The following NKAIN3 variants were observed in gnomAD, a reference collection of about 807,000 sequenced individuals.
The protein encoded by NKAIN3 is sodium/potassium transporting ATPase interacting 3.
A neutral mutation model predicts 30.2 loss-of-function variants in NKAIN3; 25 were observed. The observed-to-expected ratio is 0.83, with a 90% CI of 0.60 to 1.16. The LOEUF is 1.16. Among genes scored for constraint, NKAIN3 ranks in the 50% most tolerant of loss-of-function variants. The probability of loss-of-function intolerance (pLI) is 0.00; values close to 1 mark genes in which losing one functional copy is unlikely to be tolerated. For synonymous variants in NKAIN3, 91 were observed against 89.6 expected (o/e 1.02, Z -0.09); for missense variants, 225 against 254.1 (o/e 0.89, Z 0.78).
At chr8:62,909,197 G>T (rs1821865044) in intron 4 of NKAIN3, among the ~76,000 whole-genome samples, 1 of 152,092 alleles carries the variant, frequency 6.6e-6, no homozygotes, top group African/African-American at 2.4e-5. Context: ...AAGGCCTGCA[G>T]GTCAAAACAA....
At chr8:62,891,691 A>G (rs998415656) in intron 4 of NKAIN3, among the ~76,000 whole-genome samples, 7 of 152,154 alleles carry the variant, frequency 4.6e-5, no homozygotes, top group Non-Finnish European at 8.8e-5. Context: ...AATTCCTTCC[A>G]TATTTACCAA....
chr8:62,919,395 C>T (rs1159767524), intron 5 of NKAIN3, among the ~76,000 whole-genome samples: 5 of 151,524 alleles, frequency 3.3e-5, no homozygotes, highest in African/African-American at 9.7e-5. Context: ...CAGGCACCCG[C>T]CACCATGTCC....
At chr8:62,680,849 C>G (rs981428870) in intron 3 of NKAIN3, among the ~76,000 whole-genome samples, 2 of 152,026 alleles carry the variant, frequency 1.3e-5, no homozygotes, top group African/African-American at 2.4e-5. Context: ...TTAATTGTAA[C>G]CAATTTTGCT....
chr8:62,605,753 T>C (rs963235187), intron 3 of NKAIN3, among the ~76,000 whole-genome samples: 3 of 152,120 alleles, frequency 2.0e-5, no homozygotes, highest in African/African-American at 7.2e-5. Context: ...CATGTGCAAA[T>C]ACTATATTAT....
At chr8:62,389,888 C>T (rs1473374045) in intron 1 of NKAIN3, among the ~76,000 whole-genome samples, 1 of 152,046 alleles carries the variant, frequency 6.6e-6, no homozygotes, top group Non-Finnish European at 1.5e-5. Context: ...GTTCTTTGCT[C>T]TTTGTTTGTG....
chr8:62,837,446 G>A (rs1819400670), intron 4 of NKAIN3, among the ~76,000 whole-genome samples: 1 of 152,132 alleles, frequency 6.6e-6, no homozygotes, highest in African/African-American at 2.4e-5. Context: ...GAAAATTCCA[G>A]TAAGGTTTTA....
chr8:62,981,725 T>A lies in NKAIN3; in HGVS notation c.*16318T>A, dbSNP rs1191729265. 6.7e-6 allele frequency: 1 copy of A among 148,614 alleles called. No homozygotes were observed. The highest frequency in any genetic ancestry group is 2.5e-5 in the African/African-American group (1 of 40,162). 9.2% of individuals were successfully genotyped at this position (148,614 alleles called of 1,614,324 possible). ...AGAACTCTGCTGTGTGGCAACCTTA[T>A]GTATCCACAACAGAACTAAGGACCG... On this transcript the variant is annotated 3_prime_UTR_variant, in exon 7 of 7. Coordinates refer to ENST00000623646, the MANE Select transcript of NKAIN3 (RefSeq NM_001304533.3).
intron 4 of NKAIN3, among the ~76,000 whole-genome samples, chr8:62,792,947 C>T (rs1817749176): frequency 6.6e-6 from 1 of 152,086 alleles, no homozygotes; most frequent in Non-Finnish European, 1.5e-5. Context: ...GGGCTTCCTA[C>T]TCTGTGCATG....
rs10957258 is a variant in NKAIN3 at position 62,970,022 on chromosome 8, G to A, written c.*4615G>A. Among the ~76,000 whole-genome samples the A allele has an allele frequency of 0.12, 17,756 of 151,930 alleles. 1,201 individuals carry two copies. Among genetic ancestry groups the A allele is most frequent in the East Asian group, 0.22 (1,130 of 5,156 alleles). On this transcript the variant is annotated 3_prime_UTR_variant, in exon 7 of 7. Coordinates refer to ENST00000623646, the MANE Select transcript of NKAIN3 (RefSeq NM_001304533.3). ...CCAGCTTGGGCAAAATAGTGAGACC[G>A]TATCTCTACAAAAACAAACAAATAA...
At chr8:62,825,649 CA>C (rs1303016046) in intron 4 of NKAIN3, among the ~76,000 whole-genome samples, 1 of 152,198 alleles carries the variant, frequency 6.6e-6, no homozygotes, top group African/African-American at 2.4e-5. Flanking sequence ...GAGGTATTTT[CA>C]AATATTCCTG....
At chr8:62,990,247 A>G (rs775343785) in intron 5 of NKAIN3, 60 of 1,534,058 alleles carry the variant, frequency 3.9e-5, no homozygotes, top group Non-Finnish European at 5.3e-6. Context: ...TTAGTAAGAT[A>G]TTATCACCAA....
chr8:62,774,165 G>T (rs1468720133), intron 4 of NKAIN3, among the ~76,000 whole-genome samples: 1 of 152,010 alleles, frequency 6.6e-6, no homozygotes, highest in East Asian at 1.9e-4. Context: ...TTATTTGTAG[G>T]TATTGTAAAT....
At chr8:62,379,290 T>A (rs1270971780) in intron 1 of NKAIN3, among the ~76,000 whole-genome samples, 1 of 152,228 alleles carries the variant, frequency 6.6e-6, no homozygotes, top group African/African-American at 2.4e-5. Flanking sequence ...CAGAAGGGAC[T>A]TGCCTTGTCT....
chr8:62,491,465 GTGAA>G (rs1333921106), intron 1 of NKAIN3, among the ~76,000 whole-genome samples: 2 of 152,128 alleles, frequency 1.3e-5, no homozygotes, highest in South Asian at 4.1e-4. Flanking sequence ...GCCCCCACAT[GTGAA>G]TGGTCTTTTG....
chr8:62,416,853 G>T (rs1804460406), intron 1 of NKAIN3, among the ~76,000 whole-genome samples: 1 of 152,032 alleles, frequency 6.6e-6, no homozygotes, highest in South Asian at 2.1e-4. Flanking sequence ...AATTAGCTGA[G>T]CATGGTGGCG....
intron 3 of NKAIN3, among the ~76,000 whole-genome samples, chr8:62,594,381 C>G (rs1339253013): frequency 6.6e-6 from 1 of 152,064 alleles, no homozygotes; most frequent in Non-Finnish European, 1.5e-5. Flanking sequence ...CCAAGAGGGA[C>G]TCCACACGGT....
At position 62,968,606 on chromosome 8, in the gene NKAIN3, GAT is replaced by G. The variant is rs1823763915; in HGVS notation, c.*3201_*3202del. On this transcript the variant is annotated 3_prime_UTR_variant, in exon 7 of 7. Transcript: ENST00000623646. ...CAGAAGTGGCCCTGGCAAAACTGAA[GAT>G]AGGACATCCACTGCTCTTTAGCTTC... Among the ~76,000 whole-genome samples the G allele has an allele frequency of 6.6e-6, 1 of 152,226 alleles. No homozygotes were observed. Among genetic ancestry groups the G allele is most frequent in the Non-Finnish European group, 1.5e-5 (1 of 68,044 alleles).
chr8:62,796,383 C>CAAA (rs71255362), intron 4 of NKAIN3, among the ~76,000 whole-genome samples: 1,043 of 53,738 alleles, frequency 0.019, 235 homozygotes, highest in African/African-American at 0.082. Flanking sequence ...GACTCTGTCT[C>CAAA]AAAAAAAAAA....
rs79968000 is a variant in NKAIN3 at position 62,359,515 on chromosome 8, C to T, written c.54+110388C>T. Among the ~76,000 whole-genome samples the T allele has an allele frequency of 5.3e-5, 8 of 152,286 alleles. No individual in the cohort carries two copies. In the East Asian group the frequency reaches 1.6e-3, roughly 30 times the overall value. On this transcript the variant is annotated intron_variant, in intron 1 of 6. Transcript: ENST00000623646. The stretch of plus-strand genomic sequence containing the variant: ...CAGAGCAGAGAGACTTCCTCAGGAT[C>T]GCTGCCTCGCTTTGGTCCAAGGGAA...
Sources: allele counts gnomAD v4.1 joint callset (sites outside exome capture counted in the v4.1 genomes callset), GRCh38; gene constraint gnomAD v4.1.1; transcripts MANE v1.5; gene names NCBI Gene and HGNC (gene_info 2026-07-23, HGNC 2026-07-21).